The following METTL16 variants were observed in gnomAD, a reference collection of about 807,000 sequenced individuals.
METTL16 encodes the protein RNA N(6)-adenosine-methyltransferase METTL16.
A neutral mutation model predicts 57.9 loss-of-function variants in METTL16; 19 were observed. The observed-to-expected ratio is 0.33, with a 90% CI of 0.23 to 0.48. The LOEUF is 0.48. METTL16 is among the 20% of genes least tolerant of loss of function. The pLI is 0.99. For missense variants in METTL16, 434 were observed against 691.5 expected (o/e 0.63, Z 4.18); for synonymous variants, 246 against 255.6 (o/e 0.96, Z 0.36).
chr17:2,438,511 T>C (rs1479632771), intron 7 of METTL16, among the ~76,000 whole-genome samples: 1 of 152,186 alleles, frequency 6.6e-6, no homozygotes, highest in Non-Finnish European at 1.5e-5. Context: ...TTTTTGTTTT[T>C]TGTTTTTTTG....
intron 8 of METTL16, among the ~76,000 whole-genome samples, chr17:2,423,658 G>T (rs1467219246): frequency 6.6e-6 from 1 of 152,062 alleles, no homozygotes; most frequent in Non-Finnish European, 1.5e-5. Flanking sequence ...AGCCCGCCCT[G>T]TACAGCAAAG....
At chr17:2,440,994 A>AAAAAAAAAAAAAAAAG (rs1555616313) in intron 7 of METTL16, among the ~76,000 whole-genome samples, 1 of 118,908 alleles carries the variant, frequency 8.4e-6, no homozygotes, top group African/African-American at 4.6e-5. Flanking sequence ...AAAAAAAAAA[A>AAAAAAAAAAAAAAAAG]AAGAAGAAGA....
rs1227002731 is a variant in METTL16, at chr17:2,497,059, G to A, written c.128+5145C>T. Among the ~76,000 whole-genome samples, 7 of 151,696 alleles carry A rather than the reference G, an allele frequency of 4.6e-5. 1 individual carries two copies. The highest frequency in any genetic ancestry group is 7.4e-5 in the Non-Finnish European group (5 of 68,002). ...CTTGCTCTGTTGCCCAGGTTGCACTGCAGTGGCACAATCTCGGCTCACTGC... is the reference window on the plus strand; with the variant it reads ...CTTGCTCTGTTGCCCAGGTTGCACTACAGTGGCACAATCTCGGCTCACTGC... On this transcript the variant is annotated intron_variant, in intron 2 of 9. Transcript: ENST00000263092.
At chr17:2,471,302 A>G (rs770272208) in intron 4 of METTL16, among the ~76,000 whole-genome samples, 5 of 152,126 alleles carry the variant, frequency 3.3e-5, no homozygotes, top group Non-Finnish European at 5.9e-5. Flanking sequence ...CACCTGAGTC[A>G]CTGGGATTAC....
intron 6 of METTL16, among the ~76,000 whole-genome samples, chr17:2,461,634 T>A: frequency 6.7e-6 from 1 of 150,370 alleles, no homozygotes; most frequent in Non-Finnish European, 1.5e-5. Flanking sequence ...TGGAGTGCAG[T>A]GGCACAATCT....
At chr17:2,490,973 T>C (rs957065643) in intron 2 of METTL16, among the ~76,000 whole-genome samples, 2 of 152,214 alleles carry the variant, frequency 1.3e-5, no homozygotes, top group Non-Finnish European at 2.9e-5. Flanking sequence ...TGAACACCAA[T>C]GAAGAGCTGA....
intron 6 of METTL16, among the ~76,000 whole-genome samples, chr17:2,453,942 AAT>A (rs1491492905): frequency 6.6e-6 from 1 of 152,196 alleles, no homozygotes; most frequent in Non-Finnish European, 1.5e-5. Flanking sequence ...TAAGTAATAT[AAT>A]AGTTTATTAT....
chr17:2,448,773 T>TAAAAAAAA (rs1391105641), intron 6 of METTL16, among the ~76,000 whole-genome samples: 4 of 29,608 alleles, frequency 1.4e-4, no homozygotes, highest in Non-Finnish European at 2.7e-4. Context: ...AAATAAAAAA[T>TAAAAAAAA]AAAAAAATAA....
At position 2,420,640 on chromosome 17, in the gene METTL16, C is replaced by T. The variant is rs922309006; in HGVS notation, c.1063-44G>A. 2 of 1,571,026 alleles carry T rather than the reference C, an allele frequency of 1.3e-6. No individual in the cohort carries two copies. Among genetic ancestry groups the T allele is most frequent in the Admixed American group, 2.0e-5 (1 of 49,786 alleles). ...GAATTTTGTGGGAAATCACGTTTCC[C>T]CTCTCTCCAAACTCTCAATAAAAAA... On this transcript the variant is annotated intron_variant, in intron 9 of 9. Coordinates refer to ENST00000263092, the MANE Select transcript of METTL16 (RefSeq NM_024086.4). This position sits in a 1 kb window ranked among gnomAD's most constrained non-coding sequence, Gnocchi z 5.4.
chr17:2,455,376 C>T (rs923622700), intron 6 of METTL16, among the ~76,000 whole-genome samples: 4 of 152,152 alleles, frequency 2.6e-5, no homozygotes, highest in African/African-American at 4.8e-5. Flanking sequence ...CGTGAGCCAC[C>T]GTGCCCAGCC....
intron 6 of METTL16, among the ~76,000 whole-genome samples, chr17:2,449,455 G>T (rs904383760): frequency 6.6e-6 from 1 of 152,090 alleles, no homozygotes; most frequent in Non-Finnish European, 1.5e-5. Flanking sequence ...CAATCCTCCT[G>T]CCTCAGCCTC....
At chr17:2,452,686 A>T (rs2067079858) in intron 6 of METTL16, among the ~76,000 whole-genome samples, 1 of 151,946 alleles carries the variant, frequency 6.6e-6, no homozygotes, top group Non-Finnish European at 1.5e-5. Context: ...CGCGCAAATG[A>T]CTCCAGTATA....
intron 1 of METTL16, among the ~76,000 whole-genome samples, chr17:2,509,738 C>A (rs922026531): frequency 6.6e-6 from 1 of 152,046 alleles, no homozygotes; most frequent in Admixed American, 6.6e-5. Context: ...CATAGTGAAA[C>A]CCTATCTCTA....
chr17:2,445,719 G>A (rs1398023804), intron 6 of METTL16, among the ~76,000 whole-genome samples: 2 of 151,788 alleles, frequency 1.3e-5, no homozygotes, highest in Non-Finnish European at 2.9e-5. Context: ...CCGAGAGGCA[G>A]AGGTCACAGT....
At chr17:2,477,566 G>C (rs1009736168) in intron 3 of METTL16, 120 bp downstream of exon 3, 2 of 738,476 alleles carry the variant, frequency 2.7e-6, no homozygotes, top group Admixed American at 5.1e-5. Flanking sequence ...TGCTCAACCT[G>C]TATCTGTAGC....
At chr17:2,446,834 C>T (rs1392444963) in intron 6 of METTL16, among the ~76,000 whole-genome samples, 2 of 152,166 alleles carry the variant, frequency 1.3e-5, no homozygotes, top group Non-Finnish European at 2.9e-5. Context: ...CCGCCAGCCT[C>T]GGCCTCCCGG....
At chr17:2,450,100 A>AG (rs2067057498) in intron 6 of METTL16, among the ~76,000 whole-genome samples, 1 of 152,260 alleles carries the variant, frequency 6.6e-6, no homozygotes. Flanking sequence ...CACTTACAAC[A>AG]GGACCAGGAG....
At chr17:2,467,621 T>A (rs868052595) in intron 5 of METTL16, 140 bp downstream of exon 5, 173 of 574,816 alleles carry the variant, frequency 3.0e-4, no homozygotes, top group African/African-American at 2.4e-3. Context: ...AGAGACGGAG[T>A]TTCACCATGT....
intron 6 of METTL16, among the ~76,000 whole-genome samples, chr17:2,457,315 A>G (rs1462386948): frequency 4.3e-5 from 6 of 138,022 alleles, no homozygotes; most frequent in East Asian, 2.1e-4. Flanking sequence ...TCCAACATGG[A>G]CGACAGAGCG....
Sources: gnomAD v4.1 joint callset for allele counts (sites outside exome capture counted in the v4.1 genomes callset) on GRCh38, gnomAD v4.1.1 for gene constraint, Gnocchi (gnomAD v3.1) non-coding constraint, MANE v1.5 for transcripts, NCBI Gene and HGNC (gene_info 2026-07-23, HGNC 2026-07-21) for gene names.